Variants in KLF8 observed in about 807,000 individuals in gnomAD.
KLF8 encodes Krueppel-like factor 8.
In KLF8, 10 loss-of-function variants were observed where a neutral mutation model predicts 18.2. The ratio of observed to expected loss-of-function variants is 0.55; its 90% CI spans 0.34 to 0.93. The LOEUF is 0.93. KLF8 is among the 40% of genes least tolerant of loss of function. KLF8 has a pLI of 0.02. For synonymous variants in KLF8, 109 were observed against 97.3 expected (o/e 1.12, Z -0.71); for missense variants, 264 against 277.9 (o/e 0.95, Z 0.36).
Position 56,290,025 on chromosome X carries a change from G to A in KLF8, c.*5531G>A, listed in dbSNP as rs1370927982. ...TAATTCTTGTATGAGGTACTGTAGA[G>A]GGATGGATACAGAAGGAACTGGGTG... On this transcript the variant is annotated 3_prime_UTR_variant, in exon 6 of 6. Coordinates refer to ENST00000468660, the MANE Select transcript of KLF8 (RefSeq NM_007250.5). 1.8e-5 allele frequency among the ~76,000 whole-genome samples: 2 copies of A among 111,729 alleles called. No individual in the cohort carries two copies. The highest frequency in any genetic ancestry group is 9.5e-5 in the Admixed American group (1 of 10,521).
At chrX:56,135,566 G>A in the KLF8 span, among the ~76,000 whole-genome samples, 1 of 110,745 alleles carries the variant, frequency 9.0e-6, no homozygotes, top group African/African-American at 3.3e-5. Context: ...TGGGGGACGG[G>A]AGAGGGATAG....
chrX:56,168,859 G>A, the KLF8 span, among the ~76,000 whole-genome samples: 1 of 111,376 alleles, frequency 9.0e-6, no homozygotes, highest in Non-Finnish European at 1.9e-5. Flanking sequence ...ACTATTCCAT[G>A]GTGTATATAT....
chrX:56,175,186 G>C, the KLF8 span, among the ~76,000 whole-genome samples: 1 of 111,609 alleles, frequency 9.0e-6, no homozygotes, highest in Admixed American at 9.6e-5. Flanking sequence ...TAACTGTGAT[G>C]TTAGGGTGTC....
chrX:56,017,668 A>G, the KLF8 span, among the ~76,000 whole-genome samples: 5 of 111,749 alleles, frequency 4.5e-5, no homozygotes, highest in African/African-American at 1.6e-4. Flanking sequence ...TTGTGTCATA[A>G]TCTTAAGTGG....
At chrX:56,035,834 G>A in the KLF8 span, among the ~76,000 whole-genome samples, 1 of 111,673 alleles carries the variant, frequency 9.0e-6, no homozygotes, top group Non-Finnish European at 1.9e-5. Context: ...CTTTTTTGCT[G>A]TTGAGATGTT....
chrX:56,115,539 CAGTT>C, the KLF8 span, among the ~76,000 whole-genome samples: 5 of 111,204 alleles, frequency 4.5e-5, no homozygotes, highest in Non-Finnish European at 9.4e-5. Flanking sequence ...ATGTTGTTCC[CAGTT>C]AATTAGTGAT....
the KLF8 span, among the ~76,000 whole-genome samples, chrX:55,959,924 AT>A: frequency 1.8e-5 from 2 of 111,061 alleles, no homozygotes; most frequent in African/African-American, 6.6e-5. Flanking sequence ...GGAGATGACC[AT>A]TCCTAAGACA....
At chrX:56,214,295 C>T in the KLF8 span, among the ~76,000 whole-genome samples, 3 of 111,721 alleles carry the variant, frequency 2.7e-5, no homozygotes, top group Non-Finnish European at 5.6e-5. Flanking sequence ...TGCCAGGGAC[C>T]CCAGCTTTTT....
At chrX:56,170,534 A>G in the KLF8 span, among the ~76,000 whole-genome samples, 10 of 109,922 alleles carry the variant, frequency 9.1e-5, no homozygotes, top group South Asian at 3.5e-3. Flanking sequence ...GAGCTAAAAC[A>G]TGAAGCCTAG....
the KLF8 span, among the ~76,000 whole-genome samples, chrX:55,927,489 G>A: frequency 9.0e-6 from 1 of 111,499 alleles, no homozygotes; most frequent in South Asian, 3.7e-4. Flanking sequence ...TAGTGTAGAT[G>A]TTACAATTTG....
chrX:56,211,595 G>T, the KLF8 span, among the ~76,000 whole-genome samples: 5 of 112,247 alleles, frequency 4.5e-5, no homozygotes, highest in Middle Eastern at 9.3e-3. Context: ...AGCCAGCCAG[G>T]CCTGTGTCCT....
chrX:55,949,671 G>T, the KLF8 span, among the ~76,000 whole-genome samples: 3 of 109,025 alleles, frequency 2.8e-5, no homozygotes, highest in African/African-American at 1.0e-4. Context: ...GGCGCCTGTA[G>T]TCCCAGCTAC....
At chrX:56,072,581 C>A in the KLF8 span, among the ~76,000 whole-genome samples, 1 of 111,807 alleles carries the variant, frequency 8.9e-6, no homozygotes, top group Admixed American at 9.5e-5. Context: ...ACGCTTTTAT[C>A]TTTTGTCAGC....
the KLF8 span, among the ~76,000 whole-genome samples, chrX:56,199,322 G>GT: frequency 9.0e-6 from 1 of 111,279 alleles, no homozygotes; most frequent in African/African-American, 3.3e-5. Context: ...ATGTGAGAAG[G>GT]TTTTTGCAAT....
the KLF8 span, among the ~76,000 whole-genome samples, chrX:56,106,801 T>A: frequency 8.9e-6 from 1 of 112,227 alleles, no homozygotes; most frequent in Non-Finnish European, 1.9e-5. Context: ...GTGCTCTGAT[T>A]TTTAGAATTT....
the KLF8 span, among the ~76,000 whole-genome samples, chrX:55,929,095 T>A: frequency 2.7e-5 from 3 of 112,672 alleles, no homozygotes; most frequent in African/African-American, 6.4e-5. Flanking sequence ...CTCATTGTGG[T>A]TTTGATTTGC....
chrX:56,082,788 C>T, the KLF8 span, among the ~76,000 whole-genome samples: 1 of 111,394 alleles, frequency 9.0e-6, no homozygotes, highest in South Asian at 3.7e-4. Flanking sequence ...TTGTAAAGGG[C>T]AGTTTTGCCA....
chrX:56,039,578 A>G, the KLF8 span, among the ~76,000 whole-genome samples: 2 of 111,356 alleles, frequency 1.8e-5, no homozygotes, highest in African/African-American at 6.5e-5. Context: ...ATTATATTCC[A>G]TTGGTCAATG....
chrX:56,093,995 A>C, the KLF8 span, among the ~76,000 whole-genome samples: 2 of 108,070 alleles, frequency 1.9e-5, no homozygotes, highest in Non-Finnish European at 3.9e-5. Context: ...ATGGAATTAT[A>C]TAAAGTGTTT....
Sources: gnomAD v4.1 joint callset for allele counts (sites outside exome capture counted in the v4.1 genomes callset) on GRCh38, gnomAD v4.1.1 for gene constraint, MANE v1.5 for transcripts, NCBI Gene and HGNC (gene_info 2026-07-23, HGNC 2026-07-21) for gene names.